MAGI2: variants seen among roughly 807,000 people sequenced by gnomAD.
The protein encoded by MAGI2 is membrane-associated guanylate kinase, WW and PDZ domain-containing protein 2.
Under a neutral mutation model 133.3 loss-of-function variants are expected in MAGI2, and 35 were observed. That is an observed-to-expected ratio of 0.26 (90% CI 0.20 to 0.35). The LOEUF (loss-of-function observed/expected upper bound fraction) is 0.35, where lower values mean the gene tolerates loss of function less well. Ranked by LOEUF, MAGI2 falls within the 10% of genes least tolerant of loss-of-function variation. The pLI is 1.00. For synonymous variants in MAGI2, 729 were observed against 710.6 expected (o/e 1.03, Z -0.41); for missense variants, 1,636 against 1,863.4 (o/e 0.88, Z 2.25).
At chr7:78,618,747 T>A (rs1276712725) in intron 3 of MAGI2, 1 of 151,738 alleles carries the variant, frequency 6.6e-6, no homozygotes, top group Admixed American at 6.6e-5. Context: ...GGACATTATA[T>A]TGAGTGATTT....
intron 2 of MAGI2, among the ~76,000 whole-genome samples, chr7:78,875,159 A>G (rs545377178): frequency 6.6e-6 from 1 of 152,348 alleles, no homozygotes; most frequent in East Asian, 1.9e-4. Context: ...GTAAGGGGAC[A>G]GCTGGGGCAA....
intron 2 of MAGI2, among the ~76,000 whole-genome samples, chr7:78,847,138 AAAG>A (rs1180223683): frequency 6.6e-6 from 1 of 152,076 alleles, no homozygotes; most frequent in Non-Finnish European, 1.5e-5. Context: ...TCTGCGTTGA[AAAG>A]AAGAATCAAA....
rs60580466 is a variant in MAGI2 at position 78,853,332 on chromosome 7, CTTTTTTTTTTTTTTTTTTTTTTTTTT to C, written c.418+153732_418+153757del. On this transcript the variant is annotated intron_variant, in intron 2 of 21. Transcript: ENST00000354212. ...CTCATATTACTCTTGTCCATTCGTT[CTTTTTTTTTTTTTTTTTTTTTTTTTT>C]TTTTTTTTTTTTTTTGAGACAGAGT... Among the ~76,000 whole-genome samples the C allele has an allele frequency of 4.0e-4, 10 of 25,078 alleles. 1 individual carries two copies. Among genetic ancestry groups the C allele is most frequent in the Middle Eastern group, 0.056 (2 of 36 alleles). 16.5% of individuals were successfully genotyped at this position (25,078 alleles called of 152,430 possible). A position where few individuals can be genotyped will look rare whatever the true frequency, so the allele number is the denominator to read the frequency against.
chr7:78,757,562 A>G (rs1413654270), intron 2 of MAGI2, among the ~76,000 whole-genome samples: 1 of 152,136 alleles, frequency 6.6e-6, no homozygotes, highest in Non-Finnish European at 1.5e-5. Context: ...ATTATCTTGA[A>G]CTCTCAATGT....
At chr7:78,444,411 T>G (rs577035398) in intron 6 of MAGI2, among the ~76,000 whole-genome samples, 26 of 152,164 alleles carry the variant, frequency 1.7e-4, no homozygotes, top group African/African-American at 6.0e-4. Flanking sequence ...CGAGTTTTAA[T>G]ACTCTCTGCT....
intron 1 of MAGI2, among the ~76,000 whole-genome samples, chr7:79,355,247 C>T (rs73704183): frequency 0.15 from 22,910 of 152,070 alleles, 1,885 homozygotes; most frequent in East Asian, 0.29. Context: ...ACATATTCTT[C>T]CCCTGGGGAG....
rs1297478814 is a variant in MAGI2, at chr7:78,497,738, A to ATCTGTCTGTCTGTCTGTCTGTCTG, written c.965+3838_965+3839insCAGACAGACAGACAGACAGACAGA. 1.5e-3 allele frequency among the ~76,000 whole-genome samples: 170 copies of ATCTGTCTGTCTGTCTGTCTGTCTG among 112,918 alleles called. 3 individuals are homozygous for ATCTGTCTGTCTGTCTGTCTGTCTG. Among genetic ancestry groups the ATCTGTCTGTCTGTCTGTCTGTCTG allele is most frequent in the South Asian group, 0.015 (37 of 2,546 alleles). 74.1% of individuals were successfully genotyped at this position (112,918 alleles called of 152,430 possible). A position where few individuals can be genotyped will look rare whatever the true frequency, so the allele number is the denominator to read the frequency against. Reference sequence around the variant, plus strand: ...AAATAACTATTCTATCTATCTATCTATCTATCTATCTATCTATCTATCTAT... The same window carrying ATCTGTCTGTCTGTCTGTCTGTCTG: ...AAATAACTATTCTATCTATCTATCTATCTGTCTGTCTGTCTGTCTGTCTGTCTATCTATCTATCTATCTATCTAT... On this transcript the variant is annotated intron_variant, in intron 5 of 21. Transcript: ENST00000354212.
At chr7:78,311,723 C>CT (rs947958695) in intron 9 of MAGI2, among the ~76,000 whole-genome samples, 9 of 151,118 alleles carry the variant, frequency 6.0e-5, no homozygotes, top group Admixed American at 5.3e-4. Context: ...TAGACTTTGT[C>CT]TTTTTAATTA....
chr7:78,037,376 T>G (rs1244825450), intron 21 of MAGI2, among the ~76,000 whole-genome samples: 2 of 152,208 alleles, frequency 1.3e-5, no homozygotes, highest in Non-Finnish European at 2.9e-5. Flanking sequence ...GCATCTTTCC[T>G]GCTGTGATAA....
chr7:78,660,859 T>C (rs1563314106), intron 2 of MAGI2, among the ~76,000 whole-genome samples: 1 of 152,210 alleles, frequency 6.6e-6, no homozygotes, highest in African/African-American at 2.4e-5. Context: ...AATTGTCTGT[T>C]CATTCTTTTC....
At chr7:78,153,716 CT>C (rs1489235380) in intron 16 of MAGI2, among the ~76,000 whole-genome samples, 1 of 152,136 alleles carries the variant, frequency 6.6e-6, no homozygotes, top group Non-Finnish European at 1.5e-5. Context: ...TTACCCAATA[CT>C]TTTTTACACA....
chr7:78,112,464 G>A (rs777125483), intron 20 of MAGI2, among the ~76,000 whole-genome samples: 24 of 152,204 alleles, frequency 1.6e-4, no homozygotes, highest in Admixed American at 2.6e-4. Flanking sequence ...ATCTGAACAG[G>A]GACGATGTAT....
At chr7:78,336,822 C>T (rs1415533712) in intron 9 of MAGI2, among the ~76,000 whole-genome samples, 1 of 152,006 alleles carries the variant, frequency 6.6e-6, no homozygotes, top group Non-Finnish European at 1.5e-5. Flanking sequence ...AAGAAGAATG[C>T]TAGGATGCTC....
At chr7:78,394,102 T>C (rs1465034543) in intron 6 of MAGI2, among the ~76,000 whole-genome samples, 1 of 152,126 alleles carries the variant, frequency 6.6e-6, no homozygotes, top group Non-Finnish European at 1.5e-5. Context: ...GGAGTTCTGA[T>C]GTCTGAGGGC....
intron 1 of MAGI2, among the ~76,000 whole-genome samples, chr7:79,201,340 T>G (rs1192675787): frequency 6.6e-6 from 1 of 151,982 alleles, no homozygotes; most frequent in Non-Finnish European, 1.5e-5. Context: ...CCTTGAAAGT[T>G]TATGAGGGTT....
intron 3 of MAGI2, among the ~76,000 whole-genome samples, chr7:78,578,203 A>G (rs1802468886): frequency 6.6e-6 from 1 of 152,146 alleles, no homozygotes; most frequent in Admixed American, 6.5e-5. Context: ...AAGAATAAAA[A>G]ACCTCAAAAT....
At chr7:78,970,594 C>A (rs778948141) in intron 2 of MAGI2, among the ~76,000 whole-genome samples, 1 of 151,886 alleles carries the variant, frequency 6.6e-6, no homozygotes, top group Admixed American at 6.6e-5. Flanking sequence ...GCTATAAATT[C>A]TCCTTACATT....
intron 3 of MAGI2, among the ~76,000 whole-genome samples, chr7:78,622,556 A>C (rs1807860405): frequency 6.6e-6 from 1 of 152,090 alleles, no homozygotes; most frequent in African/African-American, 2.4e-5. Context: ...TCCTGAAAGT[A>C]CCAACAGTGC....
intron 20 of MAGI2, among the ~76,000 whole-genome samples, chr7:78,118,696 C>G (rs975091837): frequency 6.6e-6 from 1 of 152,136 alleles, no homozygotes; most frequent in Non-Finnish European, 1.5e-5. Context: ...ATAACAATGA[C>G]GGAACCAAAT....
Sources: gnomAD v4.1 joint callset for allele counts (sites outside exome capture counted in the v4.1 genomes callset) on GRCh38, gnomAD v4.1.1 for gene constraint, MANE v1.5 for transcripts, NCBI Gene and HGNC (gene_info 2026-07-23, HGNC 2026-07-21) for gene names.